POU3F4: variants seen among roughly 807,000 people sequenced by gnomAD.
POU3F4 encodes POU class 3 homeobox 4, also known as POU domain, class 3, transcription factor 4.
In POU3F4, 2 loss-of-function variants were observed where a neutral mutation model predicts 15.2. That is an observed-to-expected ratio of 0.13 (90% CI 0.05 to 0.42). POU3F4 has a LOEUF of 0.42. Ranked by LOEUF, POU3F4 falls within the 10% of genes least tolerant of loss-of-function variation. POU3F4 has a pLI of 0.99. For missense variants in POU3F4, 220 were observed against 297.0 expected (o/e 0.74, Z 1.91); for synonymous variants, 158 against 133.3 (o/e 1.19, Z -1.28).
chrX:83,509,444 G>A lies in POU3F4; in HGVS notation c.*34G>A, dbSNP rs748233159. The A allele has an allele frequency of 1.7e-6, 2 of 1,177,154 alleles. No individual in the cohort carries two copies. The highest frequency in any genetic ancestry group is 2.3e-6 in the Non-Finnish European group (2 of 876,804). On this transcript the variant is annotated 3_prime_UTR_variant, in exon 1 of 1. Coordinates refer to ENST00000644024, the MANE Select transcript of POU3F4 (RefSeq NM_000307.5). ...AGCGAGGAGGCGGCCGGCCGCACTG[G>A]GAGCAGCGCGGATTTCTCTTTCTCT...
chrX:83,508,782 C>T lies in POU3F4; in HGVS notation c.458C>T (p.Pro153Leu), dbSNP rs1925838991. Reference protein sequence around the residue: ...GMLEHGGLTPPPAAASAQSLH... With the variant: ...GMLEHGGLTPLPAAASAQSLH... ...CTGGAACACGGGGGACTCACCCCAC[C>T]TCCAGCTGCCGCCTCTGCACAGAGC... Residue 153 changes from proline to leucine, a missense_variant, in exon 1 of 1, where the codon CCT becomes CTT. Pro to Leu is a moderately conservative substitution (Grantham distance 98). This residue lies in a region of POU3F4 where 161 missense variants were observed against 154.1 expected (regional missense o/e 1.05). Transcript: ENST00000644024. The T allele has an allele frequency of 8.3e-7, 1 of 1,204,709 alleles. No homozygotes were observed. Among genetic ancestry groups the T allele is most frequent in the Non-Finnish European group, 1.1e-6 (1 of 891,828 alleles).
At position 83,508,792 on chromosome X, in the gene POU3F4, C is replaced by A; in HGVS notation, c.468C>A (p.Ala156=). ...EHGGLTPPPA[A]ASAQSLHPVL... ...GGGGACTCACCCCACCTCCAGCTGC[C>A]GCCTCTGCACAGAGCCTGCACCCGG... is the stretch of plus-strand genomic sequence containing the variant. Residue 156 remains alanine (A), a synonymous_variant, in exon 1 of 1, where the codon GCC becomes GCA. Transcript: ENST00000644024. The A allele has an allele frequency of 8.3e-7, 1 of 1,205,249 alleles. No homozygotes were observed. Among genetic ancestry groups the A allele is most frequent in the Non-Finnish European group, 1.1e-6 (1 of 892,044 alleles).
chrX:83,510,178 G>A lies in POU3F4; in HGVS notation c.*768G>A, dbSNP rs1014201620. On this transcript the variant is annotated 3_prime_UTR_variant, in exon 1 of 1. Coordinates refer to ENST00000644024, the MANE Select transcript of POU3F4 (RefSeq NM_000307.5). ...ATTTGTATCTAATCGACCACTCCAT[G>A]TTATTATTGCTATTATTATTACTAC... 5 of 110,720 alleles carry A rather than the reference G, an allele frequency of 4.5e-5. No homozygotes were observed. The highest frequency in any genetic ancestry group is 6.6e-5 in the African/African-American group (2 of 30,384). 9.1% of individuals were successfully genotyped at this position (110,720 alleles called of 1,213,427 possible).
rs1925843451 is a variant in POU3F4, at chrX:83,508,879, C to T, written c.555C>T (p.Asp185=). ...CGCACCATTGCCAGGATCACTCCGA[C>T]GAGGAGACGCCAACCTCTGATGAGT... ...LGSHHCQDHS[D]EETPTSDELE... is the part of the protein sequence containing the mutation. Residue 185 remains aspartate (D), a synonymous_variant, in exon 1 of 1, where the codon GAC becomes GAT. Coordinates refer to ENST00000644024, the MANE Select transcript of POU3F4 (RefSeq NM_000307.5). 3 of 1,211,460 alleles carry T rather than the reference C, an allele frequency of 2.5e-6. No individual in the cohort carries two copies. In the South Asian group the frequency reaches 5.3e-5, roughly 21 times the overall value.
In POU3F4 at chrX:83,511,811, GTTA is replaced by G. The variant is rs940159857; in HGVS notation, c.*2405_*2407del. On this transcript the variant is annotated 3_prime_UTR_variant, in exon 1 of 1. Transcript: ENST00000644024. ...GTTTTGTATATTAAACGTTTTTGAA[GTTA>G]TTAATTTAAAGAAAGATCATTTAGT... is the stretch of plus-strand genomic sequence containing the variant. 1 of 112,246 alleles carries G rather than the reference GTTA, an allele frequency of 8.9e-6. No individual in the cohort carries two copies. The highest frequency in any genetic ancestry group is 3.2e-5 in the African/African-American group (1 of 30,912). 9.3% of individuals were successfully genotyped at this position (112,246 alleles called of 1,213,427 possible).
Position 83,511,649 on chromosome X carries a change from T to A in POU3F4, c.*2239T>A, listed in dbSNP as rs1041768252. ...GGTTTTAGTTCTGGGATTTTATTTT[T>A]TTTTCCCCCACACTGAGTTCATGTT... On this transcript the variant is annotated 3_prime_UTR_variant, in exon 1 of 1. Coordinates refer to ENST00000644024, the MANE Select transcript of POU3F4 (RefSeq NM_000307.5). 1.8e-5 allele frequency: 2 copies of A among 112,322 alleles called. No homozygotes were observed. The highest frequency in any genetic ancestry group is 3.8e-5 in the Non-Finnish European group (2 of 53,300). 9.3% of individuals were successfully genotyped at this position (112,322 alleles called of 1,213,427 possible).
Position 83,508,538 on chromosome X carries a change from G to A in POU3F4, c.214G>A (p.Ala72Thr), listed in dbSNP as rs1235432787. Residue 72 changes from alanine (A) to threonine (T), a missense_variant, in exon 1 of 1, where the codon GCC becomes ACC. By Grantham distance (58) the Ala-to-Thr change is moderately conservative. Transcript: ENST00000644024. ...SDGGPWSSTL[A>T]TSPLDQQDVK... is the part of the protein sequence containing the mutation. ...CGGGGGCCCATGGTCCTCCACACTG[G>A]CCACCAGCCCCCTGGACCAGCAGGA... The A allele has an allele frequency of 5.8e-6, 7 of 1,202,095 alleles. No individual in the cohort carries two copies. The highest frequency in any genetic ancestry group is 2.3e-4 in the Middle Eastern group (1 of 4,363).
Position 83,511,885 on chromosome X carries a change from G to A in POU3F4, c.*2475G>A, listed in dbSNP as rs1320413688. 8.9e-6 allele frequency: 1 copy of A among 112,354 alleles called. No homozygotes were observed. Among genetic ancestry groups the A allele is most frequent in the Non-Finnish European group, 1.9e-5 (1 of 53,317 alleles). 9.3% of individuals were successfully genotyped at this position (112,354 alleles called of 1,213,427 possible). A position where few individuals can be genotyped will look rare whatever the true frequency, so the allele number is the denominator to read the frequency against. ...GTATAATAAACGCTATTTTCATTAA[G>A]AGTTGCTTTTTCAACTATTTTATTC... On this transcript the variant is annotated 3_prime_UTR_variant, in exon 1 of 1. Transcript: ENST00000644024.
chrX:83,509,661 CTTCCT>C lies in POU3F4; in HGVS notation c.*265_*269del, dbSNP rs1031062379. On this transcript the variant is annotated 3_prime_UTR_variant, in exon 1 of 1. Coordinates refer to ENST00000644024, the MANE Select transcript of POU3F4 (RefSeq NM_000307.5). Reference sequence around the variant, plus strand: ...CCTTCCCTTCCCTTCCCTTCCATCTCTTCCTTTCCTTTCCTTTCTTTTCTTTTGCT... The same window carrying C: ...CCTTCCCTTCCCTTCCCTTCCATCTCTTCCTTTCCTTTCTTTTCTTTTGCT... 1.2e-5 allele frequency: 5 copies of C among 411,326 alleles called. No individual in the cohort carries two copies. The highest frequency in any genetic ancestry group is 4.4e-5 in the South Asian group (1 of 22,530). 33.9% of individuals were successfully genotyped at this position (411,326 alleles called of 1,213,427 possible).
At position 83,510,166 on chromosome X, in the gene POU3F4, C is replaced by G. The variant is rs1216238154; in HGVS notation, c.*756C>G. 1 of 111,175 alleles carries G rather than the reference C, an allele frequency of 9.0e-6. No individual in the cohort carries two copies. The allele number at this position is 111,175 out of a possible 1,213,427, so 9.2% of individuals were successfully genotyped here. On this transcript the variant is annotated 3_prime_UTR_variant, in exon 1 of 1. Transcript: ENST00000644024. The stretch of plus-strand genomic sequence containing the variant: ...ATTTGTGAGATAATTTGTATCTAAT[C>G]GACCACTCCATGTTATTATTGCTAT...
rs931276942 is a variant in POU3F4, at chrX:83,509,890, T to C, written c.*480T>C. 8.3e-6 allele frequency: 1 copy of C among 120,439 alleles called. No homozygotes were observed. The highest frequency in any genetic ancestry group is 1.8e-5 in the Non-Finnish European group (1 of 55,067). 9.9% of individuals were successfully genotyped at this position (120,439 alleles called of 1,213,427 possible). On this transcript the variant is annotated 3_prime_UTR_variant, in exon 1 of 1. Coordinates refer to ENST00000644024, the MANE Select transcript of POU3F4 (RefSeq NM_000307.5). ...CTTTTCTGCTGATCAATACATATTG[T>C]TTACTCAGAGTAAGGTTTGTTTGGT...
Position 83,509,074 on chromosome X carries a change from C to G in POU3F4, c.750C>G (p.Pro250=), listed in dbSNP as rs1925846663. ...LSFKNMCKLK[P]LLNKWLEEAD... is the part of the protein sequence containing the mutation. ...TCAAAAATATGTGCAAGCTGAAGCC[C>G]CTGCTGAACAAGTGGCTGGAGGAGG... The change falls in exon 1 of 1, where the codon CCC becomes CCG. Residue 250 remains proline, a synonymous_variant. Coordinates refer to ENST00000644024, the MANE Select transcript of POU3F4 (RefSeq NM_000307.5). The G allele has an allele frequency of 1.7e-6, 2 of 1,211,961 alleles. No homozygotes were observed. The highest frequency in any genetic ancestry group is 5.9e-5 in the East Asian group (2 of 33,832).
rs923131657 is a variant in POU3F4, at chrX:83,510,297, C to A, written c.*887C>A. On this transcript the variant is annotated 3_prime_UTR_variant, in exon 1 of 1. Transcript: ENST00000644024. The stretch of plus-strand genomic sequence containing the variant: ...AGATGCCTATCTACTCACCGCCCCC[C>A]CCCTTCCCAAATCTCTATGAGGAGG... 7 of 107,474 alleles carry A rather than the reference C, an allele frequency of 6.5e-5. No individual in the cohort carries two copies. The highest frequency in any genetic ancestry group is 4.3e-4 in the South Asian group (1 of 2,300). 8.9% of individuals were successfully genotyped at this position (107,474 alleles called of 1,213,427 possible).
At position 83,511,021 on chromosome X, in the gene POU3F4, C is replaced by A. The variant is rs967013958; in HGVS notation, c.*1611C>A. 1 of 109,942 alleles carries A rather than the reference C, an allele frequency of 9.1e-6. No individual in the cohort carries two copies. The highest frequency in any genetic ancestry group is 1.9e-5 in the Non-Finnish European group (1 of 52,765). 9.1% of individuals were successfully genotyped at this position (109,942 alleles called of 1,213,427 possible). ...GTGGAAGCCCACAGCGACGATCCAGCGAGCTAGCGAGCGCCCGGGAGGCTG... is the reference window on the plus strand; with the variant it reads ...GTGGAAGCCCACAGCGACGATCCAGAGAGCTAGCGAGCGCCCGGGAGGCTG... On this transcript the variant is annotated 3_prime_UTR_variant, in exon 1 of 1. Transcript: ENST00000644024.
rs186010225 is a variant in POU3F4, at chrX:83,508,742, A to C, written c.418A>C (p.Thr140Pro). ...PLNVYSQPGF[T>P]VSGMLEHGGL... is the part of the protein sequence containing the mutation. ...CAACGTGTACTCGCAGCCTGGCTTCACCGTGAGCGGCATGCTGGAACACGG... is the reference window on the plus strand; with the variant it reads ...CAACGTGTACTCGCAGCCTGGCTTCCCCGTGAGCGGCATGCTGGAACACGG... Residue 140 changes from threonine (T) to proline (P), a missense_variant, in exon 1 of 1, where the codon ACC becomes CCC. Thr to Pro is a conservative substitution (Grantham distance 38, BLOSUM62 -1). This residue lies in a region of POU3F4 where 161 missense variants were observed against 154.1 expected (regional missense o/e 1.05). Coordinates refer to ENST00000644024, the MANE Select transcript of POU3F4 (RefSeq NM_000307.5). The C allele has an allele frequency of 7.4e-5, 89 of 1,206,415 alleles. 1 individual carries two copies. In the Admixed American group the frequency reaches 1.9e-3, roughly 26 times the overall value.
chrX:83,508,841 G>A lies in POU3F4; in HGVS notation c.517G>A (p.Gly173Ser), dbSNP rs1437688252. 4.1e-6 allele frequency: 5 copies of A among 1,207,028 alleles called. No individual in the cohort carries two copies. Among genetic ancestry groups the A allele is most frequent in the East Asian group, 6.0e-5 (2 of 33,588 alleles). The change falls in exon 1 of 1, where the codon GGC becomes AGC. Residue 173 changes from glycine (G) to serine (S), a missense_variant. Gly to Ser is a moderately conservative substitution (Grantham distance 56). Coordinates refer to ENST00000644024, the MANE Select transcript of POU3F4 (RefSeq NM_000307.5). ...HPVLREPPDH[G>S]ELGSHHCQDH... ...GGTGCTCCGAGAGCCCCCGGATCACGGCGAACTGGGCTCGCACCATTGCCA... is the reference window on the plus strand; with the variant it reads ...GGTGCTCCGAGAGCCCCCGGATCACAGCGAACTGGGCTCGCACCATTGCCA...
rs1244860939 is a variant in POU3F4 at position 83,509,113 on chromosome X, A to C, written c.789A>C (p.Thr263=). Residue 263 remains threonine, a synonymous_variant, in exon 1 of 1, where the codon ACA becomes ACC. Transcript: ENST00000644024. ...GGCTGGAGGAGGCGGATTCGTCCAC[A>C]GGGAGCCCGACCAGCATTGACAAGA... ...NKWLEEADSS[T]GSPTSIDKIA... The C allele has an allele frequency of 8.3e-7, 1 of 1,210,102 alleles. No homozygotes were observed. Among genetic ancestry groups the C allele is most frequent in the Non-Finnish European group, 1.1e-6 (1 of 895,243 alleles).
chrX:83,510,368 T>A lies in POU3F4; in HGVS notation c.*958T>A, dbSNP rs769998317. ...TTATTGATGATGATATTGGTTATAT[T>A]TTTTTTCCGGGGTGGAGTGCCTAGG... is the stretch of plus-strand genomic sequence containing the variant. On this transcript the variant is annotated 3_prime_UTR_variant, in exon 1 of 1. Coordinates refer to ENST00000644024, the MANE Select transcript of POU3F4 (RefSeq NM_000307.5). The A allele has an allele frequency of 9.2e-6, 1 of 108,970 alleles. No homozygotes were observed. Among genetic ancestry groups the A allele is most frequent in the Non-Finnish European group, 1.9e-5 (1 of 52,260 alleles). The allele number at this position is 108,970 out of a possible 1,213,427, so 9.0% of individuals were successfully genotyped here. A position where few individuals can be genotyped will look rare whatever the true frequency, so the allele number is the denominator to read the frequency against.
Position 83,511,841 on chromosome X carries a change from T to C in POU3F4, c.*2431T>C, listed in dbSNP as rs1925918637. Reference sequence around the variant, plus strand: ...TAATTTAAAGAAAGATCATTTAGTTTATTCATTTAGTAACTGATGTATAAT... The same window carrying C: ...TAATTTAAAGAAAGATCATTTAGTTCATTCATTTAGTAACTGATGTATAAT... On this transcript the variant is annotated 3_prime_UTR_variant, in exon 1 of 1. Coordinates refer to ENST00000644024, the MANE Select transcript of POU3F4 (RefSeq NM_000307.5). 8.9e-6 allele frequency: 1 copy of C among 112,815 alleles called. No individual in the cohort carries two copies. The highest frequency in any genetic ancestry group is 3.6e-4 in the South Asian group (1 of 2,772). The allele number at this position is 112,815 out of a possible 1,213,427, so 9.3% of individuals were successfully genotyped here.
Sources: gnomAD v4.1 joint callset for allele counts on GRCh38, gnomAD v4.1.1 for gene constraint, gnomAD v4.1.1 regional missense constraint, MANE v1.5 for transcripts, NCBI Gene and HGNC (gene_info 2026-07-23, HGNC 2026-07-21) for gene names.